The following LRRTM4 variants were observed in gnomAD, a reference collection of about 807,000 sequenced individuals.
The protein encoded by LRRTM4 is leucine rich repeat transmembrane neuronal 4.
A neutral mutation model predicts 47.6 loss-of-function variants in LRRTM4; 25 were observed. The ratio of observed to expected loss-of-function variants is 0.53; its 90% CI spans 0.38 to 0.73. The LOEUF (loss-of-function observed/expected upper bound fraction) is 0.73, where lower values mean the gene tolerates loss of function less well. Among genes scored for constraint, LRRTM4 ranks in the 30% least tolerant of loss-of-function variants. The pLI is 0.00. For synonymous variants in LRRTM4, 311 were observed against 269.5 expected (o/e 1.15, Z -1.51); for missense variants, 638 against 713.4 (o/e 0.89, Z 1.20).
chr2:76,951,689 C>T lies in LRRTM4; in HGVS notation c.1552-202773G>A, dbSNP rs577780041. ...TGCAGGTTTGTTACATAGGTATACACGTGCCATGGTGGTTTGCTGCACCTA... is the reference window on the plus strand; with the variant it reads ...TGCAGGTTTGTTACATAGGTATACATGTGCCATGGTGGTTTGCTGCACCTA... On this transcript the variant is annotated intron_variant, in intron 3 of 3. Transcript: ENST00000409884. Among the ~76,000 whole-genome samples the T allele has an allele frequency of 5.3e-5, 8 of 151,956 alleles. No homozygotes were observed. In the South Asian group the frequency reaches 6.2e-4, roughly 12 times the overall value.
intron 3 of LRRTM4, among the ~76,000 whole-genome samples, chr2:77,506,299 G>A (rs1236914962): frequency 2.0e-5 from 3 of 151,516 alleles, no homozygotes; most frequent in Non-Finnish European, 4.4e-5. Flanking sequence ...AAATTAAGAA[G>A]TAAATGTAAA....
intron 3 of LRRTM4, among the ~76,000 whole-genome samples, chr2:76,772,583 G>T (rs1673758752): frequency 1.3e-5 from 2 of 151,676 alleles, no homozygotes; most frequent in Non-Finnish European, 2.9e-5. Flanking sequence ...TATTTTTTTT[G>T]GCCTATAAGC....
intron 3 of LRRTM4, among the ~76,000 whole-genome samples, chr2:77,408,181 C>G (rs948085947): frequency 6.6e-6 from 1 of 152,084 alleles, no homozygotes; most frequent in African/African-American, 2.4e-5. Flanking sequence ...TTTAATCCTG[C>G]CCCCCAGGGG....
chr2:77,400,116 T>G (rs1206331768), intron 3 of LRRTM4, among the ~76,000 whole-genome samples: 1 of 151,900 alleles, frequency 6.6e-6, no homozygotes, highest in African/African-American at 2.4e-5. Flanking sequence ...TTCTATGAGA[T>G]CAACTTTTTT....
chr2:77,188,368 A>G (rs560026700), intron 3 of LRRTM4, among the ~76,000 whole-genome samples: 4 of 151,984 alleles, frequency 2.6e-5, no homozygotes, highest in South Asian at 2.1e-4. Context: ...TTCTCTACTC[A>G]TTTCATTTGA....
At chr2:76,956,966 T>A (rs1022361600) in intron 3 of LRRTM4, among the ~76,000 whole-genome samples, 1 of 151,548 alleles carries the variant, frequency 6.6e-6, no homozygotes, top group African/African-American at 2.4e-5. Flanking sequence ...AAAGAAAAGT[T>A]CATGTTCATC....
chr2:77,362,865 A>G (rs1174651442), intron 3 of LRRTM4, among the ~76,000 whole-genome samples: 3 of 152,180 alleles, frequency 2.0e-5, no homozygotes, highest in South Asian at 2.1e-4. Context: ...AGTCATCTGT[A>G]AAGAACTCAA....
Position 77,519,790 on chromosome 2 carries a change from G to A in LRRTM4, c.79C>T (p.Leu27Phe). The A allele has an allele frequency of 1.2e-6, 2 of 1,613,000 alleles. No homozygotes were observed. Among genetic ancestry groups the A allele is most frequent in the Non-Finnish European group, 1.7e-6 (2 of 1,179,456 alleles). Residue 27 changes from leucine to phenylalanine, a missense_variant, in exon 3 of 4, where the codon CTC (leucine) becomes TTC (phenylalanine). Transcript: ENST00000409884. This position sits in a 1 kb window ranked among gnomAD's most constrained non-coding sequence, Gnocchi z 4.6. ...VLLPTLLLVM[L>F]TGAQRACPKN... Reference sequence around the variant, plus strand: ...GGGCAAGCTCTCTGAGCACCCGTGAGCATAACAAGCAGCAGTGTAGGAAGT... The same window carrying A: ...GGGCAAGCTCTCTGAGCACCCGTGAACATAACAAGCAGCAGTGTAGGAAGT...
chr2:76,930,596 T>G (rs1375618272), intron 3 of LRRTM4, among the ~76,000 whole-genome samples: 1 of 152,124 alleles, frequency 6.6e-6, no homozygotes, highest in African/African-American at 2.4e-5. Context: ...TTCAAAATAG[T>G]TGGACAGTCT....
At chr2:76,918,273 A>T in intron 3 of LRRTM4, among the ~76,000 whole-genome samples, 1 of 152,236 alleles carries the variant, frequency 6.6e-6, no homozygotes, top group East Asian at 1.9e-4. Context: ...AATAGCAACA[A>T]ACTTGTAGCA....
intron 3 of LRRTM4, among the ~76,000 whole-genome samples, chr2:76,763,369 G>T (rs1029262768): frequency 6.6e-6 from 1 of 152,208 alleles, no homozygotes; most frequent in Non-Finnish European, 1.5e-5. Flanking sequence ...TTCCTGATCT[G>T]CTAGAATTAG....
At chr2:76,835,594 CCT>C (rs1196254055) in intron 3 of LRRTM4, among the ~76,000 whole-genome samples, 2 of 152,100 alleles carry the variant, frequency 1.3e-5, no homozygotes, top group African/African-American at 2.4e-5. Context: ...ATAAGTAAAA[CCT>C]CTGTCAGAAT....
chr2:76,898,674 G>C (rs1019719712), intron 3 of LRRTM4, among the ~76,000 whole-genome samples: 1 of 128,024 alleles, frequency 7.8e-6, no homozygotes, highest in African/African-American at 2.6e-5. Context: ...CAGCCATATA[G>C]AGTTTCCTGA....
chr2:77,014,455 T>C (rs1379087954), intron 3 of LRRTM4, among the ~76,000 whole-genome samples: 1 of 151,264 alleles, frequency 6.6e-6, no homozygotes, highest in Non-Finnish European at 1.5e-5. Context: ...GTTTATATGA[T>C]TGACTATTCT....
chr2:76,820,415 A>G (rs554684976), intron 3 of LRRTM4, among the ~76,000 whole-genome samples: 2 of 151,934 alleles, frequency 1.3e-5, no homozygotes, highest in South Asian at 2.1e-4. Context: ...GGATTAGAGA[A>G]TAATGGAGTG....
At position 76,864,894 on chromosome 2, in the gene LRRTM4, T is replaced by G. The variant is rs1199154668; in HGVS notation, c.1552-115978A>C. 7.9e-5 allele frequency among the ~76,000 whole-genome samples: 11 copies of G among 138,726 alleles called. No homozygotes were observed. The East Asian group carries it at 1.0e-3, about 13-fold the overall frequency. The allele number at this position is 138,726 out of a possible 152,430, so 91.0% of individuals were successfully genotyped here. On this transcript the variant is annotated intron_variant, in intron 3 of 3. Coordinates refer to ENST00000409884, the MANE Select transcript of LRRTM4 (RefSeq NM_001134745.3). ...GGTGAATGCCACCACTTCAGCTGTT[T>G]TTTTTTTTTTTTTAATTTTTTTTAT... is the stretch of plus-strand genomic sequence containing the variant.
chr2:77,403,703 T>A (rs1674055538), intron 3 of LRRTM4, among the ~76,000 whole-genome samples: 1 of 151,824 alleles, frequency 6.6e-6, no homozygotes, highest in Non-Finnish European at 1.5e-5. Flanking sequence ...AACCTTGCTC[T>A]ATATCCACTC....
chr2:77,264,347 C>T (rs1283463588), intron 3 of LRRTM4, among the ~76,000 whole-genome samples: 1 of 147,468 alleles, frequency 6.8e-6, no homozygotes, highest in East Asian at 1.9e-4. Flanking sequence ...AGAGAAAGTA[C>T]AACCATGCAT....
At chr2:77,061,158 G>C (rs1344586671) in intron 3 of LRRTM4, among the ~76,000 whole-genome samples, 1 of 151,358 alleles carries the variant, frequency 6.6e-6, no homozygotes, top group Non-Finnish European at 1.5e-5. Flanking sequence ...GTTGATTTTA[G>C]TAGTCCTTCT....
Sources: allele counts gnomAD v4.1 joint callset (sites outside exome capture counted in the v4.1 genomes callset), GRCh38; gene constraint gnomAD v4.1.1; non-coding constraint Gnocchi (gnomAD v3.1); transcripts MANE v1.5; gene names NCBI Gene and HGNC (gene_info 2026-07-23, HGNC 2026-07-21).